KIAA0232: variants seen among roughly 807,000 people sequenced by gnomAD.
KIAA0232 encodes the protein uncharacterized protein KIAA0232.
Under a neutral mutation model 122.0 loss-of-function variants are expected in KIAA0232, and 27 were observed. The observed-to-expected ratio is 0.22, with a 90% CI of 0.16 to 0.31. The LOEUF is 0.31. Among genes scored for constraint, KIAA0232 ranks in the 10% least tolerant of loss-of-function variants. KIAA0232 has a pLI of 1.00. For synonymous variants in KIAA0232, 613 were observed against 587.6 expected, an observed-to-expected ratio of 1.04 and a Z score of -0.63; for missense variants, 1,551 against 1,634.2, an observed-to-expected ratio of 0.95 and a Z score of 0.88.
intron 1 of KIAA0232, among the ~76,000 whole-genome samples, chr4:6,799,127 G>A (rs1717263150): frequency 6.6e-6 from 1 of 151,836 alleles, no homozygotes; most frequent in African/African-American, 2.4e-5. Context: ...GTGGTTATTG[G>A]CAATACTTGG....
At chr4:6,793,970 A>G (rs1048200181) in intron 1 of KIAA0232, among the ~76,000 whole-genome samples, 10 of 152,134 alleles carry the variant, frequency 6.6e-5, no homozygotes, top group African/African-American at 2.4e-4. Context: ...TCCCTACTCT[A>G]CCTAGAGATC....
intron 3 of KIAA0232, among the ~76,000 whole-genome samples, chr4:6,837,178 C>G (rs541384287): frequency 6.6e-6 from 1 of 151,394 alleles, no homozygotes; most frequent in Admixed American, 6.6e-5. Flanking sequence ...GGCGGAGGGG[C>G]TCCTCACTTC....
intron 2 of KIAA0232, among the ~76,000 whole-genome samples, chr4:6,805,561 C>T (rs546219218): frequency 3.3e-5 from 5 of 152,226 alleles, no homozygotes; most frequent in African/African-American, 1.2e-4. Context: ...GAATTTTATG[C>T]TACCTTTACC....
At chr4:6,816,841 G>T (rs1051517954) in intron 2 of KIAA0232, among the ~76,000 whole-genome samples, 1 of 152,004 alleles carries the variant, frequency 6.6e-6, no homozygotes, top group African/African-American at 2.4e-5. Context: ...ATCTTTCAAG[G>T]AATTTTTCCA....
At chr4:6,822,026 G>A (rs1211765911) in intron 2 of KIAA0232, among the ~76,000 whole-genome samples, 2 of 151,712 alleles carry the variant, frequency 1.3e-5, no homozygotes, top group African/African-American at 4.8e-5. Context: ...AAATTTTTCT[G>A]TTTATGACAA....
intron 9 of KIAA0232, among the ~76,000 whole-genome samples, chr4:6,880,058 G>C (rs4991685): frequency 0.035 from 169 of 4,852 alleles, 9 homozygotes; most frequent in South Asian, 0.14. Context: ...TCCCAACACA[G>C]AGGTCTGCAG....
At chr4:6,818,361 C>T (rs1291768552) in intron 2 of KIAA0232, among the ~76,000 whole-genome samples, 3 of 147,826 alleles carry the variant, frequency 2.0e-5, no homozygotes, top group Non-Finnish European at 4.4e-5. Context: ...AGTTGCACCA[C>T]TGCACTTGAG....
intron 2 of KIAA0232, among the ~76,000 whole-genome samples, chr4:6,811,994 T>G (rs781206772): frequency 1.4e-4 from 21 of 152,160 alleles, no homozygotes; most frequent in Non-Finnish European, 2.6e-4. Context: ...GTAATGAAAT[T>G]TGACCTTTTG....
At chr4:6,832,716 T>C (rs891186062) in intron 3 of KIAA0232, among the ~76,000 whole-genome samples, 8 of 152,302 alleles carry the variant, frequency 5.3e-5, no homozygotes, top group Admixed American at 2.0e-4. Flanking sequence ...TCCTGGAATA[T>C]ACAAGAGGCT....
At position 6,855,469 on chromosome 4, in the gene KIAA0232, A is replaced by G. The variant is rs1182400158; in HGVS notation, c.370-1695A>G. Among the ~76,000 whole-genome samples the G allele has an allele frequency of 6.6e-6, 1 of 152,196 alleles. No homozygotes were observed. The highest frequency in any genetic ancestry group is 2.4e-5 in the African/African-American group (1 of 41,444). On this transcript the variant is annotated intron_variant, in intron 4 of 9. Transcript: ENST00000307659. This position sits in a 1 kb window ranked among gnomAD's most constrained non-coding sequence, Gnocchi z 4.3. ...CCTGGTTGGTAGAGCTTGCTTTTAC[A>G]CAGAGAGTAAGGAGTAAGCTCTTAT...
intron 9 of KIAA0232, among the ~76,000 whole-genome samples, chr4:6,877,209 G>A (rs1426922873): frequency 5.3e-5 from 8 of 152,032 alleles, no homozygotes; most frequent in African/African-American, 1.2e-4. Context: ...GAACGATCCC[G>A]CCCTTTCCGT....
At chr4:6,809,777 TATTACC>T in intron 2 of KIAA0232, among the ~76,000 whole-genome samples, 1 of 152,222 alleles carries the variant, frequency 6.6e-6, no homozygotes, top group East Asian at 1.9e-4. Flanking sequence ...AATATTTATA[TATTACC>T]AATAACGATC....
rs966550885 is a variant in KIAA0232 at position 6,788,183 on chromosome 4, G to A, written c.-354+5342G>A. Among the ~76,000 whole-genome samples the A allele has an allele frequency of 4.6e-5, 7 of 151,936 alleles. No individual in the cohort carries two copies. In the East Asian group the frequency reaches 1.2e-3, roughly 25 times the overall value. The stretch of plus-strand genomic sequence containing the variant: ...GTAGCTGGGACTACAGGCACATAAC[G>A]CCTGGCTAATTTTTTGTAGAGATGG... On this transcript the variant is annotated intron_variant, in intron 1 of 9. Coordinates refer to ENST00000307659, the MANE Select transcript of KIAA0232 (RefSeq NM_014743.3).
At chr4:6,869,245 T>A (rs1379903446) in intron 7 of KIAA0232, among the ~76,000 whole-genome samples, 2 of 152,226 alleles carry the variant, frequency 1.3e-5, no homozygotes, top group African/African-American at 4.8e-5. Context: ...CAAGAAAGGA[T>A]GAAAAGATAA....
At chr4:6,795,160 T>C (rs991627357) in intron 1 of KIAA0232, among the ~76,000 whole-genome samples, 4 of 152,206 alleles carry the variant, frequency 2.6e-5, no homozygotes, top group African/African-American at 9.7e-5. Context: ...AAGCTCCGCC[T>C]TCCGGGTTCA....
chr4:6,828,015 G>C (rs995038931), intron 3 of KIAA0232, among the ~76,000 whole-genome samples: 2 of 152,062 alleles, frequency 1.3e-5, no homozygotes, highest in African/African-American at 4.8e-5. Context: ...CTCTGTCTCT[G>C]AAACTTTTTC....
Position 6,861,440 on chromosome 4 carries a change from G to C in KIAA0232, c.1058G>C (p.Ser353Thr). The C allele has an allele frequency of 2.5e-6, 4 of 1,614,224 alleles. No homozygotes were observed. Among genetic ancestry groups the C allele is most frequent in the South Asian group, 1.1e-5 (1 of 91,092 alleles). ...AACATTCATACTGGAAGTAGTAGCA[G>C]TAGCAGCAGTGGTTCTGTCAAACAG... is the stretch of plus-strand genomic sequence containing the variant. ...ERNIHTGSSS[S>T]SSSGSVKQLC... Residue 353 changes from serine to threonine, a missense_variant, in exon 7 of 10, where the codon AGT (serine) becomes ACT (threonine). Ser to Thr is a moderately conservative substitution (Grantham distance 58). Around this residue, in one of 5 missense-constraint regions of KIAA0232, gnomAD observed 377 missense variants for 381.7 expected, o/e 0.99. Coordinates refer to ENST00000307659, the MANE Select transcript of KIAA0232 (RefSeq NM_014743.3).
intron 8 of KIAA0232, among the ~76,000 whole-genome samples, chr4:6,872,689 A>G (rs967177159): frequency 1.3e-5 from 2 of 152,154 alleles, no homozygotes; most frequent in Admixed American, 1.3e-4. Context: ...GGGTTATGCA[A>G]ATCTCTTGCA....
intron 8 of KIAA0232, among the ~76,000 whole-genome samples, chr4:6,872,436 G>A (rs1414931877): frequency 2.0e-5 from 3 of 152,196 alleles, no homozygotes; most frequent in Non-Finnish European, 2.9e-5. Context: ...AGGAGTGGGC[G>A]CTGATGCGGT....
Sources: gnomAD v4.1 joint callset for allele counts (sites outside exome capture counted in the v4.1 genomes callset) on GRCh38, gnomAD v4.1.1 for gene constraint, gnomAD v4.1.1 regional missense constraint, Gnocchi (gnomAD v3.1) non-coding constraint, MANE v1.5 for transcripts, NCBI Gene and HGNC (gene_info 2026-07-23, HGNC 2026-07-21) for gene names.